Variants in IGF2BP3 observed in about 807,000 individuals in gnomAD.
IGF2BP3 encodes the protein insulin-like growth factor 2 mRNA-binding protein 3.
In IGF2BP3, 9 loss-of-function variants were observed where a neutral mutation model predicts 73.8. That is an observed-to-expected ratio of 0.12 (90% CI 0.07 to 0.21). IGF2BP3 has a LOEUF of 0.21. Ranked by LOEUF, IGF2BP3 falls within the 10% of genes least tolerant of loss-of-function variation. The pLI is 1.00. For synonymous variants in IGF2BP3, 258 were observed against 256.7 expected (o/e 1.01, Z -0.05); for missense variants, 542 against 714.0 (o/e 0.76, Z 2.75).
chr7:23,330,658 G>A (rs1160350466), intron 10 of IGF2BP3, among the ~76,000 whole-genome samples: 5 of 152,194 alleles, frequency 3.3e-5, no homozygotes, highest in Admixed American at 1.3e-4. Context: ...TGGCCGGGCT[G>A]GTCTTGAACT....
chr7:23,427,810 A>G (rs994877281), intron 2 of IGF2BP3, among the ~76,000 whole-genome samples: 2 of 152,090 alleles, frequency 1.3e-5, no homozygotes, highest in African/African-American at 4.8e-5. Flanking sequence ...GTTCAAGACC[A>G]GCCTGGCCAA....
chr7:23,362,185 G>A (rs1010400744), intron 3 of IGF2BP3, among the ~76,000 whole-genome samples: 2 of 152,120 alleles, frequency 1.3e-5, no homozygotes, highest in Non-Finnish European at 2.9e-5. Context: ...GCCAAGATGG[G>A]AGCATAGCTT....
intron 2 of IGF2BP3, among the ~76,000 whole-genome samples, chr7:23,456,560 T>C (rs1335448897): frequency 6.6e-6 from 1 of 152,186 alleles, no homozygotes; most frequent in Admixed American, 6.5e-5. Flanking sequence ...TACTTAATTT[T>C]TATATACAAG....
intron 3 of IGF2BP3, among the ~76,000 whole-genome samples, chr7:23,380,658 T>C (rs963501818): frequency 6.6e-6 from 1 of 152,248 alleles, no homozygotes; most frequent in Non-Finnish European, 1.5e-5. Context: ...TGTACTGGGA[T>C]GAATAGCGCC....
chr7:23,320,926 G>A (rs1244220140), intron 10 of IGF2BP3, among the ~76,000 whole-genome samples: 10 of 140,810 alleles, frequency 7.1e-5, no homozygotes, highest in African/African-American at 2.7e-4. Context: ...CTCCAACCTG[G>A]GTGAGAGTGA....
chr7:23,336,326 G>C (rs563258491), intron 10 of IGF2BP3, among the ~76,000 whole-genome samples: 3 of 152,124 alleles, frequency 2.0e-5, no homozygotes, highest in Non-Finnish European at 4.4e-5. Context: ...CGTAATCTGT[G>C]ATAGCTTCAA....
At chr7:23,415,642 C>G (rs1296394379) in intron 3 of IGF2BP3, 1 of 176,552 alleles carries the variant, frequency 5.7e-6, no homozygotes, top group African/African-American at 2.4e-5. Context: ...AGATGTATAA[C>G]TCCTCTCTCC....
At position 23,312,305 on chromosome 7, in the gene IGF2BP3, T is replaced by A; in HGVS notation, c.*57A>T. 1 of 1,263,918 alleles carries A rather than the reference T, an allele frequency of 7.9e-7. No homozygotes were observed. Among genetic ancestry groups the A allele is most frequent in the Non-Finnish European group, 1.2e-6 (1 of 864,016 alleles). 78.3% of individuals were successfully genotyped at this position (1,263,918 alleles called of 1,614,324 possible). A position where few individuals can be genotyped will look rare whatever the true frequency, so the allele number is the denominator to read the frequency against. ...AGGGGGTCAGCGCCCATCTGTTGGT[T>A]AAGCAATCTGTCTTTGGTTTGGCAT... On this transcript the variant is annotated 3_prime_UTR_variant, in exon 15 of 15. Coordinates refer to ENST00000258729, the MANE Select transcript of IGF2BP3 (RefSeq NM_006547.3).
intron 3 of IGF2BP3, among the ~76,000 whole-genome samples, chr7:23,381,994 A>T (rs1583966408): frequency 2.0e-5 from 3 of 152,134 alleles, no homozygotes. Context: ...AGTGGCTCAC[A>T]CCTGTAATCC....
intron 10 of IGF2BP3, among the ~76,000 whole-genome samples, chr7:23,338,704 C>A (rs776165870): frequency 6.6e-5 from 10 of 152,106 alleles, no homozygotes; most frequent in Non-Finnish European, 1.2e-4. Flanking sequence ...TTGCCTCACC[C>A]CTACCCCCAG....
chr7:23,388,518 G>C (rs560845226), intron 3 of IGF2BP3, among the ~76,000 whole-genome samples: 5 of 152,056 alleles, frequency 3.3e-5, no homozygotes, highest in African/African-American at 1.2e-4. Flanking sequence ...GGGAGAAAAG[G>C]CTTCTATGGG....
At chr7:23,450,330 A>G (rs1266134079) in intron 2 of IGF2BP3, among the ~76,000 whole-genome samples, 1 of 152,234 alleles carries the variant, frequency 6.6e-6, no homozygotes, top group African/African-American at 2.4e-5. Context: ...CTGAAGAACT[A>G]GAAGCAAAAT....
intron 3 of IGF2BP3, among the ~76,000 whole-genome samples, chr7:23,362,889 C>CA (rs1021018504): frequency 2.6e-5 from 4 of 152,020 alleles, no homozygotes; most frequent in Non-Finnish European, 5.9e-5. Flanking sequence ...AAGCAGCTGG[C>CA]ACTACAGGTG....
intron 2 of IGF2BP3, among the ~76,000 whole-genome samples, chr7:23,459,825 T>C (rs1788403625): frequency 6.6e-6 from 1 of 151,914 alleles, no homozygotes; most frequent in Admixed American, 6.6e-5. Flanking sequence ...AGTGAGATTC[T>C]GACTCGAAAA....
chr7:23,407,944 G>T (rs1447537381), intron 3 of IGF2BP3, among the ~76,000 whole-genome samples: 1 of 28,342 alleles, frequency 3.5e-5, no homozygotes, highest in Non-Finnish European at 7.4e-5. Context: ...ATTTGTGGGG[G>T]GCAGGGGGCG....
At chr7:23,319,038 A>G in intron 11 of IGF2BP3, 100 bp downstream of exon 11, 1 of 792,408 alleles carries the variant, frequency 1.3e-6, no homozygotes, top group Non-Finnish European at 2.1e-6. Context: ...TAACCCTAAC[A>G]GTGTCTTTTA....
In IGF2BP3 at chr7:23,337,153, T is replaced by C. The variant is rs1328557479; in HGVS notation, c.1203+4911A>G. On this transcript the variant is annotated intron_variant, in intron 10 of 14. Coordinates refer to ENST00000258729, the MANE Select transcript of IGF2BP3 (RefSeq NM_006547.3). ...AGGCAAAGCTATTCCAACTGAGTAC[T>C]TGCAACCACCCCCCACCCCCTGCAA... Among the ~76,000 whole-genome samples the C allele has an allele frequency of 2.6e-5, 4 of 152,168 alleles. No individual in the cohort carries two copies. In the East Asian group the frequency reaches 5.8e-4, roughly 22 times the overall value.
At chr7:23,433,351 C>CT (rs1490188061) in intron 2 of IGF2BP3, among the ~76,000 whole-genome samples, 1 of 152,004 alleles carries the variant, frequency 6.6e-6, no homozygotes, top group Non-Finnish European at 1.5e-5. Flanking sequence ...TGAAATGTGG[C>CT]TAGTCTGAAT....
intron 10 of IGF2BP3, among the ~76,000 whole-genome samples, chr7:23,321,222 G>A (rs1009366123): frequency 5.3e-5 from 8 of 152,328 alleles, no homozygotes; most frequent in Non-Finnish European, 5.9e-5. Context: ...CATGCACCAT[G>A]GGTGAGCCGA....
Sources: gnomAD v4.1 joint callset for allele counts (sites outside exome capture counted in the v4.1 genomes callset) on GRCh38, gnomAD v4.1.1 for gene constraint, MANE v1.5 for transcripts, NCBI Gene and HGNC (gene_info 2026-07-23, HGNC 2026-07-21) for gene names.